Variants in GNA12 observed in about 807,000 individuals in gnomAD.
The protein encoded by GNA12 is guanine nucleotide-binding protein subunit alpha-12.
In GNA12, 9 loss-of-function variants were observed where a neutral mutation model predicts 26.0. That is an observed-to-expected ratio of 0.35 (90% CI 0.21 to 0.60). The LOEUF is 0.60. GNA12 is among the 20% of genes least tolerant of loss of function. The pLI, the probability that GNA12 is intolerant of heterozygous loss-of-function variation, is 0.78. For synonymous variants in GNA12, 264 were observed against 219.6 expected (o/e 1.20, Z -1.79); for missense variants, 405 against 525.8 (o/e 0.77, Z 2.25).
rs1180183503 is a variant in GNA12 at position 2,844,111 on chromosome 7, G to A, written c.51C>T (p.Ala17=). The A allele has an allele frequency of 1.4e-5, 14 of 990,304 alleles. No homozygotes were observed. The African/African-American group carries it at 2.5e-4, about 18-fold the overall frequency. The allele number at this position is 990,304 out of a possible 1,614,324, so 61.3% of individuals were successfully genotyped here. Residue 17 remains alanine (A), a synonymous_variant, in exon 1 of 4, where the codon GCC becomes GCT. Coordinates refer to ENST00000275364, the MANE Select transcript of GNA12 (RefSeq NM_007353.3). The part of the protein sequence containing the change: ...TLSRCLLPAE[A]GGARERRAGS... ...CCGCCCTGCGCTCGCGGGCCCCGCC[G>A]GCCTCGGCCGGCAGCAGGCAGCGGC...
chr7:2,832,772 T>C (rs944553892), intron 1 of GNA12, among the ~76,000 whole-genome samples: 2 of 152,140 alleles, frequency 1.3e-5, no homozygotes, highest in South Asian at 2.1e-4. Context: ...CTTAAGAAAG[T>C]GGGGGTCAGG....
At position 2,763,039 on chromosome 7, in the gene GNA12, G is replaced by A. The variant is rs565030742; in HGVS notation, c.526-29538C>T. Reference sequence around the variant, plus strand: ...GCCGGCCACTGGCCCAGGACTCAGCGTGCCGTTCCTCCAGGACGCAGACCG... The same window carrying A: ...GCCGGCCACTGGCCCAGGACTCAGCATGCCGTTCCTCCAGGACGCAGACCG... On this transcript the variant is annotated intron_variant, in intron 2 of 3. Coordinates refer to ENST00000275364, the MANE Select transcript of GNA12 (RefSeq NM_007353.3). 3 of 1,250,208 alleles carry A rather than the reference G, an allele frequency of 2.4e-6. No individual in the cohort carries two copies. In the Admixed American group the frequency reaches 1.3e-4, roughly 52 times the overall value. 77.4% of individuals were successfully genotyped at this position (1,250,208 alleles called of 1,614,324 possible).
chr7:2,770,643 AT>A (rs1791924284), intron 2 of GNA12, among the ~76,000 whole-genome samples: 1 of 131,922 alleles, frequency 7.6e-6, no homozygotes, highest in South Asian at 2.3e-4. Flanking sequence ...CTCAACAACA[AT>A]AACAACAACA....
At chr7:2,754,921 C>T (rs1042731057) in intron 2 of GNA12, among the ~76,000 whole-genome samples, 6 of 152,202 alleles carry the variant, frequency 3.9e-5, no homozygotes, top group South Asian at 2.1e-4. Context: ...TAGAGTTCTG[C>T]GCTTTACACT....
intron 2 of GNA12, among the ~76,000 whole-genome samples, chr7:2,750,659 G>A (rs756305975): frequency 8.5e-5 from 13 of 152,296 alleles, no homozygotes; most frequent in Non-Finnish European, 1.8e-4. Context: ...GTTGACTGCG[G>A]GTAACTGAAA....
chr7:2,743,799 C>G (rs1277130842), intron 2 of GNA12, among the ~76,000 whole-genome samples: 5 of 152,074 alleles, frequency 3.3e-5, no homozygotes, highest in Admixed American at 2.0e-4. Flanking sequence ...CACATAGCAC[C>G]TGGAAAATTG....
intron 1 of GNA12, among the ~76,000 whole-genome samples, chr7:2,824,761 A>G (rs1562446752): frequency 6.6e-6 from 1 of 152,220 alleles, no homozygotes. Context: ...CAGGATTTTA[A>G]CAATGCAAAT....
chr7:2,767,680 C>G lies in GNA12; in HGVS notation c.525+27248G>C, dbSNP rs140272219. Among the ~76,000 whole-genome samples the G allele has an allele frequency of 4.6e-3, 706 of 152,308 alleles. 2 individuals carry two copies. Among genetic ancestry groups the G allele is most frequent in the Non-Finnish European group, 8.3e-3 (565 of 68,028 alleles). On this transcript the variant is annotated intron_variant, in intron 2 of 3. Coordinates refer to ENST00000275364, the MANE Select transcript of GNA12 (RefSeq NM_007353.3). ...CTTCATTTGTATTGTAACTCCTAAC[C>G]TTTAAACCCTTAGCACCAGATATAT...
At chr7:2,741,752 T>G (rs904802643) in intron 2 of GNA12, among the ~76,000 whole-genome samples, 14 of 151,790 alleles carry the variant, frequency 9.2e-5, no homozygotes, top group Non-Finnish European at 2.9e-5. Context: ...CCCTAACAAC[T>G]TCAGAGGGTA....
At chr7:2,838,005 G>A (rs1169236546) in intron 1 of GNA12, among the ~76,000 whole-genome samples, 1 of 152,010 alleles carries the variant, frequency 6.6e-6, no homozygotes, top group Non-Finnish European at 1.5e-5. Flanking sequence ...AGTGGGGTGG[G>A]TAAATGGGCC....
intron 1 of GNA12, among the ~76,000 whole-genome samples, chr7:2,813,451 T>C (rs1793134269): frequency 1.3e-5 from 2 of 152,210 alleles, no homozygotes; most frequent in South Asian, 2.1e-4. Context: ...TCCCAGTCAG[T>C]GTAGCTTGCG....
chr7:2,786,341 TG>T (rs1311473141), intron 2 of GNA12, among the ~76,000 whole-genome samples: 1 of 151,728 alleles, frequency 6.6e-6, no homozygotes, highest in Non-Finnish European at 1.5e-5. Flanking sequence ...AAAAGGGAGT[TG>T]GAAAAAACGG....
intron 2 of GNA12, among the ~76,000 whole-genome samples, chr7:2,790,125 G>A (rs1209671278): frequency 2.0e-5 from 3 of 152,104 alleles, no homozygotes; most frequent in Non-Finnish European, 4.4e-5. Flanking sequence ...ACCTCACTCC[G>A]CACTGTCTCC....
intron 2 of GNA12, among the ~76,000 whole-genome samples, chr7:2,751,174 G>A (rs1326085718): frequency 6.6e-6 from 1 of 152,038 alleles, no homozygotes; most frequent in Non-Finnish European, 1.5e-5. Context: ...GACTGGTTGA[G>A]GTCAGGAGTT....
intron 2 of GNA12, among the ~76,000 whole-genome samples, chr7:2,786,740 G>T (rs942909428): frequency 6.6e-6 from 1 of 152,134 alleles, no homozygotes; most frequent in Non-Finnish European, 1.5e-5. Context: ...AGCACAGACC[G>T]GGACTGATGC....
intron 1 of GNA12, among the ~76,000 whole-genome samples, chr7:2,807,259 T>C (rs1458532522): frequency 6.7e-6 from 1 of 149,488 alleles, no homozygotes; most frequent in African/African-American, 2.6e-5. Context: ...GCTTTTATAC[T>C]GATTTTTATA....
At chr7:2,836,658 C>T (rs1424846305) in intron 1 of GNA12, among the ~76,000 whole-genome samples, 1 of 152,058 alleles carries the variant, frequency 6.6e-6, no homozygotes, top group Non-Finnish European at 1.5e-5. Context: ...GTGCGGTGGC[C>T]CACACCTGTA....
intron 1 of GNA12, among the ~76,000 whole-genome samples, chr7:2,795,816 C>CTTTTTTTTTTTTTTTTTTTT (rs71026559): frequency 1.5e-5 from 2 of 137,874 alleles, no homozygotes. Flanking sequence ...AAAAAAACAA[C>CTTTTTTTTTTTTTTTTTTTT]TTTTTTTTTT....
chr7:2,784,368 C>T lies in GNA12; in HGVS notation c.525+10560G>A, dbSNP rs1406393202. 3.9e-5 allele frequency among the ~76,000 whole-genome samples: 6 copies of T among 152,202 alleles called. No homozygotes were observed. In the South Asian group the frequency reaches 1.0e-3, roughly 26 times the overall value. On this transcript the variant is annotated intron_variant, in intron 2 of 3. Coordinates refer to ENST00000275364, the MANE Select transcript of GNA12 (RefSeq NM_007353.3). ...CTCTGGACTCAAGCAATATGCCTGC[C>T]TCACCTACCAAAGGGCTGGGATTAC... is the stretch of plus-strand genomic sequence containing the variant.
Sources: gnomAD v4.1 joint callset for allele counts (sites outside exome capture counted in the v4.1 genomes callset) on GRCh38, gnomAD v4.1.1 for gene constraint, MANE v1.5 for transcripts, NCBI Gene and HGNC (gene_info 2026-07-23, HGNC 2026-07-21) for gene names.